The following C1QTNF1 variants were observed in gnomAD, a reference collection of about 807,000 sequenced individuals.
The protein encoded by C1QTNF1 is C1q and TNF related 1, also known as complement C1q tumor necrosis factor-related protein 1.
In C1QTNF1, 22 loss-of-function variants were observed where a neutral mutation model predicts 27.8. That is an observed-to-expected ratio of 0.79 (90% CI 0.56 to 1.13). The LOEUF (loss-of-function observed/expected upper bound fraction) is 1.13, where lower values mean the gene tolerates loss of function less well. C1QTNF1 is among the 50% of genes most tolerant of loss of function. The probability of loss-of-function intolerance (pLI) is 0.00; values close to 1 mark genes in which losing one functional copy is unlikely to be tolerated. For missense variants in C1QTNF1, 373 were observed against 380.2 expected, an observed-to-expected ratio of 0.98 and a Z score of 0.16; for synonymous variants, 166 against 154.3, an observed-to-expected ratio of 1.08 and a Z score of -0.56.
chr17:79,043,094 G>A (rs2072459521), intron 1 of C1QTNF1, among the ~76,000 whole-genome samples: 1 of 151,650 alleles, frequency 6.6e-6, no homozygotes, highest in Admixed American at 6.6e-5. Context: ...GTGTATGTGT[G>A]TGCATGTGTG....
intron 1 of C1QTNF1, chr17:79,043,482 G>A (rs865971804): frequency 3.5e-5 from 16 of 451,758 alleles, no homozygotes; most frequent in Admixed American, 1.6e-4. Context: ...ATATGGGTGC[G>A]TGGATTGCAT....
At chr17:79,029,332 C>T (rs2072065113) in intron 1 of C1QTNF1, among the ~76,000 whole-genome samples, 1 of 152,194 alleles carries the variant, frequency 6.6e-6, no homozygotes, top group South Asian at 2.1e-4. Context: ...TGCTGTCGGA[C>T]ACACCTAGGT....
rs144829396 is a variant in C1QTNF1 at position 79,047,811 on chromosome 17, C to G, written c.569C>G (p.Pro190Arg). 221 of 1,614,094 alleles carry G rather than the reference C, an allele frequency of 1.4e-4. No individual in the cohort carries two copies. The highest frequency in any genetic ancestry group is 4.9e-4 in the Middle Eastern group (3 of 6,084). ...ACCGGCAAGTTCTACTGCTACGTGC[C>G]CGGCCTCTACTTCTTCAGCCTCAAC... Reference protein sequence around the residue: ...MFTGKFYCYVPGLYFFSLNVH... With the variant: ...MFTGKFYCYVRGLYFFSLNVH... Residue 190 changes from proline (P) to arginine (R), a missense_variant, in exon 4 of 4, where the codon CCC becomes CGC. Transcript: ENST00000579760.
At position 79,048,160 on chromosome 17, in the gene C1QTNF1, G is replaced by T. The variant is rs564585465; in HGVS notation, c.*72G>T. The T allele has an allele frequency of 1.0e-5, 14 of 1,390,212 alleles. No homozygotes were observed. The African/African-American group carries it at 1.7e-4, about 17-fold the overall frequency. 86.1% of individuals were successfully genotyped at this position (1,390,212 alleles called of 1,614,324 possible). A position where few individuals can be genotyped will look rare whatever the true frequency, so the allele number is the denominator to read the frequency against. Reference sequence around the variant, plus strand: ...GTGCTGACCCCACCGCCTCTTCCCCGATCCCTGGACTCCGACTCCCTGGCT... The same window carrying T: ...GTGCTGACCCCACCGCCTCTTCCCCTATCCCTGGACTCCGACTCCCTGGCT... On this transcript the variant is annotated 3_prime_UTR_variant, in exon 4 of 4. Transcript: ENST00000579760.
At chr17:79,023,755 TA>T (rs1189913143), upstream of C1QTNF1, among the ~76,000 whole-genome samples, 4 of 151,382 alleles carry the variant, frequency 2.6e-5, no homozygotes, top group Non-Finnish European at 4.4e-5. Context: ...CATTTTGTTA[TA>T]GGGGGTTCAC....
chr17:79,041,374 CCTCA>C (rs1208868721), intron 1 of C1QTNF1, among the ~76,000 whole-genome samples: 3 of 152,184 alleles, frequency 2.0e-5, no homozygotes, highest in Admixed American at 6.5e-5. Flanking sequence ...GCCTTGCTCT[CCTCA>C]CTGTCACCTC....
rs1415372028 is a variant in C1QTNF1, at chr17:79,047,620, A to C, written c.378A>C (p.Gly126=). The part of the protein sequence containing the change: ...TGSAGARGHT[G]PKGQKGSMGA... ...CAGCAGGGGCCAGGGGCCACACTGGACCCAAAGGGCAGAAGGGCTCCATGG... is the reference window on the plus strand; with the variant it reads ...CAGCAGGGGCCAGGGGCCACACTGGCCCCAAAGGGCAGAAGGGCTCCATGG... The change falls in exon 4 of 4, where the codon GGA becomes GGC. Residue 126 remains glycine (G), a synonymous_variant. Coordinates refer to ENST00000579760, the MANE Select transcript of C1QTNF1 (RefSeq NM_030968.5). 6.3e-7 allele frequency: 1 copy of C among 1,590,276 alleles called. No individual in the cohort carries two copies. The highest frequency in any genetic ancestry group is 8.6e-7 in the Non-Finnish European group (1 of 1,166,672).
upstream of C1QTNF1, among the ~76,000 whole-genome samples, chr17:79,023,704 G>A (rs993724526): frequency 2.3e-4 from 33 of 145,030 alleles, no homozygotes; most frequent in Middle Eastern, 3.4e-3. Flanking sequence ...GCGCGCGCGC[G>A]CACACACACA....
chr17:79,023,718 A>G (rs952021388), upstream of C1QTNF1, among the ~76,000 whole-genome samples: 3 of 152,078 alleles, frequency 2.0e-5, no homozygotes, highest in African/African-American at 7.2e-5. Context: ...ACACACACAC[A>G]CACACACACA....
intron 1 of C1QTNF1, chr17:79,043,306 CATGT>C: frequency 2.2e-6 from 1 of 447,316 alleles, no homozygotes; most frequent in Non-Finnish European, 4.4e-6. Flanking sequence ...GGTATGTGTG[CATGT>C]GAGTTGTGCA....
chr17:79,044,621 G>A (rs2072518968), intron 2 of C1QTNF1, among the ~76,000 whole-genome samples: 2 of 152,172 alleles, frequency 1.3e-5, no homozygotes, highest in Non-Finnish European at 2.9e-5. Flanking sequence ...CCAAGTGTCG[G>A]CTTCCCTTGA....
At chr17:79,043,350 T>TTGCATGTGTGAG (rs1399641956) in intron 1 of C1QTNF1, 1 of 453,656 alleles carries the variant, frequency 2.2e-6, no homozygotes, top group Non-Finnish European at 4.4e-6. Context: ...AGCATGTGGA[T>TTGCATGTGTGAG]TGCATGTGTG....
chr17:79,041,235 G>A (rs2072399540), intron 1 of C1QTNF1, among the ~76,000 whole-genome samples: 1 of 152,192 alleles, frequency 6.6e-6, no homozygotes, highest in Non-Finnish European at 1.5e-5. Flanking sequence ...AGGGACAGCT[G>A]GCTGGTAGGA....
At chr17:79,029,197 G>C (rs1303094814) in intron 1 of C1QTNF1, among the ~76,000 whole-genome samples, 1 of 152,188 alleles carries the variant, frequency 6.6e-6, no homozygotes, top group Non-Finnish European at 1.5e-5. Context: ...TAAGCAAATT[G>C]GTGGGCACCG....
rs117861016 is a variant in C1QTNF1, at chr17:79,048,005, C to T, written c.763C>T (p.Arg255Cys). Residue 255 changes from arginine to cysteine, a missense_variant, in exon 4 of 4, where the codon CGT becomes TGT. By Grantham distance (180) the Arg-to-Cys change is radical. Coordinates refer to ENST00000579760, the MANE Select transcript of C1QTNF1 (RefSeq NM_030968.5). The part of the protein sequence containing the change: ...QVWVRLYKGE[R>C]ENAIFSEELD... ...GTGGGTACGCCTCTACAAGGGCGAACGTGAGAACGCCATCTTCAGCGAGGA... is the reference window on the plus strand; with the variant it reads ...GTGGGTACGCCTCTACAAGGGCGAATGTGAGAACGCCATCTTCAGCGAGGA... The T allele has an allele frequency of 2.9e-5, 46 of 1,610,252 alleles. 1 individual carries two copies. The highest frequency in any genetic ancestry group is 3.3e-4 in the Middle Eastern group (2 of 6,078).
In C1QTNF1 at chr17:79,046,944, G is replaced by T. The variant is rs535464469; in HGVS notation, c.295+250G>T. 1 of 539,350 alleles carries T rather than the reference G, an allele frequency of 1.9e-6. No individual in the cohort carries two copies. Among genetic ancestry groups the T allele is most frequent in the Admixed American group, 3.3e-5 (1 of 30,766 alleles). The allele number at this position is 539,350 out of a possible 1,614,324, so 33.4% of individuals were successfully genotyped here. On this transcript the variant is annotated intron_variant, in intron 3 of 3. Coordinates refer to ENST00000579760, the MANE Select transcript of C1QTNF1 (RefSeq NM_030968.5). The surrounding 1 kb of genome is among the most constrained non-coding windows in gnomAD (Gnocchi z 4.8). Reference sequence around the variant, plus strand: ...CCAAGAGCAGGAGAGGGAGCCCAGAGGCTACTCGGGGTCTCGTCCCTCCAG... The same window carrying T: ...CCAAGAGCAGGAGAGGGAGCCCAGATGCTACTCGGGGTCTCGTCCCTCCAG...
At chr17:79,029,352 G>T (rs1396838165) in intron 1 of C1QTNF1, among the ~76,000 whole-genome samples, 1 of 152,184 alleles carries the variant, frequency 6.6e-6, no homozygotes, top group Non-Finnish European at 1.5e-5. Context: ...TCTAATCTGA[G>T]CTCCAGCACC....
chr17:79,038,751 G>T (rs970431128), intron 1 of C1QTNF1, among the ~76,000 whole-genome samples: 2 of 152,188 alleles, frequency 1.3e-5, no homozygotes, highest in Admixed American at 6.5e-5. Context: ...CTACTGTAGG[G>T]GGATTTTTGC....
intron 1 of C1QTNF1, among the ~76,000 whole-genome samples, chr17:79,028,920 G>A (rs553865480): frequency 3.3e-5 from 5 of 152,026 alleles, no homozygotes; most frequent in East Asian, 1.9e-4. Flanking sequence ...GTGCATGCAC[G>A]CGCGGGTGTT....
Sources: gnomAD v4.1 joint callset for allele counts (sites outside exome capture counted in the v4.1 genomes callset) on GRCh38, gnomAD v4.1.1 for gene constraint, Gnocchi (gnomAD v3.1) non-coding constraint, MANE v1.5 for transcripts, NCBI Gene and HGNC (gene_info 2026-07-23, HGNC 2026-07-21) for gene names.